SRPK2: variants seen among roughly 807,000 people sequenced by gnomAD.
SRPK2 encodes the protein SRSF protein kinase 2, also known as SFRS protein kinase 2.
Under a neutral mutation model 90.8 loss-of-function variants are expected in SRPK2, and 21 were observed. That is an observed-to-expected ratio of 0.23 (90% confidence interval 0.16 to 0.33). The LOEUF is 0.33. Ranked by LOEUF, SRPK2 falls within the 10% of genes least tolerant of loss-of-function variation. The probability of loss-of-function intolerance (pLI) is 1.00; values close to 1 mark genes in which losing one functional copy is unlikely to be tolerated. For missense variants in SRPK2, 620 were observed against 869.0 expected, an observed-to-expected ratio of 0.71 and a Z score of 3.60; for synonymous variants, 288 against 311.1, an observed-to-expected ratio of 0.93 and a Z score of 0.78.
intron 2 of SRPK2, among the ~76,000 whole-genome samples, chr7:105,377,602 G>A (rs560732726): frequency 1.3e-4 from 20 of 152,108 alleles, no homozygotes; most frequent in Non-Finnish European, 2.5e-4. Flanking sequence ...GGAGGCTGAG[G>A]TGGGAGAATT....
At chr7:105,215,133 A>C (rs1039751511) in intron 2 of SRPK2, among the ~76,000 whole-genome samples, 6 of 152,250 alleles carry the variant, frequency 3.9e-5, no homozygotes, top group African/African-American at 1.4e-4. Flanking sequence ...CCGAATATTC[A>C]CATGTGAAAG....
chr7:105,248,436 T>TGAAA (rs1802015703), intron 2 of SRPK2, among the ~76,000 whole-genome samples: 1 of 127,874 alleles, frequency 7.8e-6, no homozygotes. Flanking sequence ...ACAAAAAATT[T>TGAAA]AAAAAAAAAA....
chr7:105,298,908 T>G (rs1033497242), intron 2 of SRPK2: 1 of 483,356 alleles, frequency 2.1e-6, no homozygotes, highest in African/African-American at 2.1e-5. Flanking sequence ...TTCAGCTCAG[T>G]TAGCACACAG....
At position 105,122,183 on chromosome 7, in the gene SRPK2, GCTAAAA is replaced by G. The variant is rs145223655; in HGVS notation, c.1915+4059_1915+4064del. ...CTCAAAATAGGTCATATGCCTCAGA[GCTAAAA>G]CTAAACAATTCCTAGAAAAGTAAAT... is the stretch of plus-strand genomic sequence containing the variant. On this transcript the variant is annotated intron_variant, in intron 15 of 15. Coordinates refer to ENST00000393651, the MANE Select transcript of SRPK2 (RefSeq NM_182692.3). 3.2e-3 allele frequency among the ~76,000 whole-genome samples: 487 copies of G among 152,254 alleles called. 2 individuals are homozygous for G. Among genetic ancestry groups the G allele is most frequent in the African/African-American group, 0.011 (464 of 41,546 alleles).
chr7:105,121,315 A>T (rs1800328471), intron 15 of SRPK2, among the ~76,000 whole-genome samples: 1 of 151,874 alleles, frequency 6.6e-6, no homozygotes, highest in South Asian at 2.1e-4. Flanking sequence ...ACTACACTCC[A>T]GCCTAGGCAA....
chr7:105,141,121 C>A (rs1390571546), intron 11 of SRPK2, among the ~76,000 whole-genome samples: 1 of 152,090 alleles, frequency 6.6e-6, no homozygotes, highest in East Asian at 1.9e-4. Context: ...AGGAGCTGAC[C>A]ACGTCCAGCC....
intron 2 of SRPK2, among the ~76,000 whole-genome samples, chr7:105,273,431 C>CTTT (rs11284964): frequency 7.1e-6 from 1 of 140,426 alleles, no homozygotes; most frequent in African/African-American, 2.6e-5. Flanking sequence ...TTCTTTTTTT[C>CTTT]TTTTTTTTTT....
intron 2 of SRPK2, among the ~76,000 whole-genome samples, chr7:105,294,260 C>A (rs530602807): frequency 1.3e-5 from 2 of 152,346 alleles, no homozygotes; most frequent in East Asian, 1.9e-4. Flanking sequence ...CTGCAAATTT[C>A]TCTTCGAGCT....
upstream of SRPK2, chr7:105,389,220 C>T (rs112658820): frequency 2.5e-6 from 3 of 1,202,132 alleles, no homozygotes; most frequent in Admixed American, 3.4e-5. Flanking sequence ...CCTCCCTCCC[C>T]GCCGCGGCCT....
chr7:105,372,192 A>G (rs190023808), intron 2 of SRPK2, among the ~76,000 whole-genome samples: 127 of 152,068 alleles, frequency 8.4e-4, no homozygotes, highest in Non-Finnish European at 1.5e-3. Flanking sequence ...AACTGATTCA[A>G]AAAGCACTTA....
intron 2 of SRPK2, among the ~76,000 whole-genome samples, chr7:105,243,943 G>A (rs1324356337): frequency 2.0e-5 from 3 of 152,216 alleles, no homozygotes; most frequent in African/African-American, 4.8e-5. Flanking sequence ...AGGTAACTGA[G>A]TTGGAGTCCC....
At chr7:105,257,343 C>T (rs1011664138) in intron 2 of SRPK2, among the ~76,000 whole-genome samples, 3 of 152,252 alleles carry the variant, frequency 2.0e-5, no homozygotes, top group Non-Finnish European at 4.4e-5. Context: ...TAGCTGCTCA[C>T]ATTTGTTCAG....
intron 15 of SRPK2, 71 bp from the exon 16 acceptor site, chr7:105,118,093 G>C: frequency 6.5e-7 from 1 of 1,537,622 alleles, no homozygotes; most frequent in Non-Finnish European, 8.8e-7. Context: ...GTCCAGTCAG[G>C]TTCTTTTCAG....
chr7:105,256,759 G>C (rs1279094448), intron 2 of SRPK2, among the ~76,000 whole-genome samples: 1 of 152,078 alleles, frequency 6.6e-6, no homozygotes, highest in Non-Finnish European at 1.5e-5. Flanking sequence ...ATTTCTACAC[G>C]GCAGCAATCA....
At chr7:105,123,080 C>A (rs1252417597) in intron 15 of SRPK2, among the ~76,000 whole-genome samples, 2 of 152,008 alleles carry the variant, frequency 1.3e-5, no homozygotes, top group Admixed American at 1.3e-4. Context: ...GAAGACAGGA[C>A]AGGGAAAAAA....
At chr7:105,318,690 T>C (rs955668154) in intron 2 of SRPK2, among the ~76,000 whole-genome samples, 3 of 152,198 alleles carry the variant, frequency 2.0e-5, no homozygotes, top group African/African-American at 4.8e-5. Context: ...TCTAGCTTAA[T>C]CAACCTTTTT....
chr7:105,352,888 A>C (rs1817362674), intron 2 of SRPK2, among the ~76,000 whole-genome samples: 1 of 152,054 alleles, frequency 6.6e-6, no homozygotes, highest in East Asian at 1.9e-4. Flanking sequence ...TGACAGAGCG[A>C]GACTCTATCT....
chr7:105,394,388 G>A (rs1048733436), upstream of SRPK2, among the ~76,000 whole-genome samples: 10 of 151,898 alleles, frequency 6.6e-5, no homozygotes, highest in African/African-American at 2.2e-4. Flanking sequence ...TGATCCGCCC[G>A]CCTCGGCCTC....
intron 2 of SRPK2, among the ~76,000 whole-genome samples, chr7:105,378,761 C>CAAAA (rs35549009): frequency 1.1e-5 from 1 of 92,276 alleles, no homozygotes; most frequent in Non-Finnish European, 2.1e-5. Flanking sequence ...GACTCCGTCT[C>CAAAA]AAAAAAAAAA....
Sources: gnomAD v4.1 joint callset for allele counts (sites outside exome capture counted in the v4.1 genomes callset) on GRCh38, gnomAD v4.1.1 for gene constraint, MANE v1.5 for transcripts, NCBI Gene and HGNC (gene_info 2026-07-23, HGNC 2026-07-21) for gene names.